The following SMG9 variants were observed in gnomAD, a reference collection of about 807,000 sequenced individuals.
SMG9 encodes nonsense-mediated mRNA decay factor SMG9.
SMG9 carries 55 observed loss-of-function variants against 64.0 expected under a neutral mutation model. The ratio of observed to expected loss-of-function variants is 0.86; its 90% CI spans 0.69 to 1.08. The LOEUF is 1.08. Ranked by LOEUF, SMG9 falls within the 50% of genes least tolerant of loss-of-function variation. The pLI is 0.00. For missense variants in SMG9, 554 were observed against 681.3 expected, an observed-to-expected ratio of 0.81 and a Z score of 2.08; for synonymous variants, 244 against 254.8, an observed-to-expected ratio of 0.96 and a Z score of 0.41.
intron 9 of SMG9, among the ~76,000 whole-genome samples, chr19:43,736,541 T>C (rs1787027392): frequency 1.3e-5 from 2 of 152,158 alleles, no homozygotes; most frequent in Admixed American, 1.3e-4. Context: ...TCCTGCCAGG[T>C]CCTGCCTCCC....
At chr19:43,753,699 G>A (rs1388813236) in intron 1 of SMG9, among the ~76,000 whole-genome samples, 2 of 151,988 alleles carry the variant, frequency 1.3e-5, no homozygotes, top group Non-Finnish European at 2.9e-5. Context: ...GGCCTCAAGT[G>A]ATTCGCCAGC....
At chr19:43,744,631 C>A in intron 6 of SMG9, 141 bp downstream of exon 6, 1 of 560,778 alleles carries the variant, frequency 1.8e-6, no homozygotes. Flanking sequence ...ATCTTCATCT[C>A]ATGAAGACAC....
At chr19:43,746,579 A>G (rs991206171) in intron 5 of SMG9, among the ~76,000 whole-genome samples, 11 of 152,242 alleles carry the variant, frequency 7.2e-5, no homozygotes, top group African/African-American at 1.9e-4. Flanking sequence ...GGCTGTGCTA[A>G]TAAGTCCAGG....
Position 43,731,298 on chromosome 19 carries a change from C to A in SMG9, c.*298G>T. ...CTGAAAAAGGAGGTCAAGATGGAGC[C>A]CGGGCTTCCTGGTGACCATTCAGAC... On this transcript the variant is annotated 3_prime_UTR_variant, in exon 14 of 14. Transcript: ENST00000270066. 8.4e-7 allele frequency: 1 copy of A among 1,185,110 alleles called. No homozygotes were observed. The highest frequency in any genetic ancestry group is 1.0e-6 in the Non-Finnish European group (1 of 953,200). The allele number at this position is 1,185,110 out of a possible 1,614,324, so 73.4% of individuals were successfully genotyped here. A position where few individuals can be genotyped will look rare whatever the true frequency, so the allele number is the denominator to read the frequency against.
intron 6 of SMG9, 34 bp from the exon 7 acceptor site, chr19:43,740,252 C>G: frequency 6.8e-7 from 1 of 1,473,974 alleles, no homozygotes; most frequent in Non-Finnish European, 9.5e-7. Flanking sequence ...TGTGTGAGAG[C>G]TCTGGTTCTC....
Position 43,731,364 on chromosome 19 carries a change from T to C in SMG9, c.*232A>G, listed in dbSNP as rs1968477583. 1.2e-5 allele frequency: 16 copies of C among 1,357,702 alleles called. No homozygotes were observed. The highest frequency in any genetic ancestry group is 1.5e-5 in the Non-Finnish European group (16 of 1,054,106). 84.1% of individuals were successfully genotyped at this position (1,357,702 alleles called of 1,614,324 possible). A position where few individuals can be genotyped will look rare whatever the true frequency, so the allele number is the denominator to read the frequency against. ...TCCCTGTGGAGGACACAGGACGGGC[T>C]ACCCCATCTCAGGTTTGGGGTGGGA... On this transcript the variant is annotated 3_prime_UTR_variant, in exon 14 of 14. Coordinates refer to ENST00000270066, the MANE Select transcript of SMG9 (RefSeq NM_019108.4).
intron 13 of SMG9, 47 bp downstream of exon 13, chr19:43,732,811 C>G (rs754142058): frequency 2.5e-6 from 4 of 1,611,618 alleles, no homozygotes; most frequent in Non-Finnish European, 3.4e-6. Context: ...TCTCTCTACA[C>G]CAGGGTGGGG....
chr19:43,739,214 G>C (rs2146375910), intron 7 of SMG9, among the ~76,000 whole-genome samples: 1 of 152,342 alleles, frequency 6.6e-6, no homozygotes, highest in Non-Finnish European at 1.5e-5. Context: ...CGTTAGCCAG[G>C]CAAAAACGCA....
intron 9 of SMG9, among the ~76,000 whole-genome samples, chr19:43,735,798 T>C (rs1968646568): frequency 6.6e-6 from 1 of 152,002 alleles, no homozygotes; most frequent in Non-Finnish European, 1.5e-5. Context: ...ACATCTACAA[T>C]CTCAAGGGGC....
In SMG9 at chr19:43,730,049, C is replaced by CT. The variant is rs1968429649; in HGVS notation, c.*1546_*1547insA. 1 of 152,862 alleles carries CT rather than the reference C, an allele frequency of 6.5e-6. No individual in the cohort carries two copies. Among genetic ancestry groups the CT allele is most frequent in the South Asian group, 2.1e-4 (1 of 4,858 alleles). The allele number at this position is 152,862 out of a possible 1,614,324, so 9.5% of individuals were successfully genotyped here. On this transcript the variant is annotated 3_prime_UTR_variant, in exon 14 of 14. Coordinates refer to ENST00000270066, the MANE Select transcript of SMG9 (RefSeq NM_019108.4). ...GTGCTTTCTTCACTGACCCCCCGCC[C>CT]CCCCTCACTTCAGTTGTTTCTCACA...
chr19:43,734,460 G>A lies in SMG9; in HGVS notation c.1031C>T (p.Thr344Ile). The A allele has an allele frequency of 1.3e-6, 2 of 1,562,248 alleles. No homozygotes were observed. Among genetic ancestry groups the A allele is most frequent in the Non-Finnish European group, 1.7e-6 (2 of 1,152,710 alleles). ...GCTGGACTCGTGGCTGGGGGATGGG[G>A]TGGAGGGCTTCACCATCTCTGCTGT... ...LQTAEMVKPSTPSPSHESSSS... is the reference protein window; with the variant it reads ...LQTAEMVKPSIPSPSHESSSS... Residue 344 changes from threonine to isoleucine, a missense_variant, in exon 10 of 14, where the codon ACC becomes ATC. Coordinates refer to ENST00000270066, the MANE Select transcript of SMG9 (RefSeq NM_019108.4).
chr19:43,746,874 T>G (rs1599655780), intron 5 of SMG9, among the ~76,000 whole-genome samples: 1 of 149,648 alleles, frequency 6.7e-6, no homozygotes, highest in Non-Finnish European at 1.5e-5. Flanking sequence ...GAGGTTGGAG[T>G]GCAATGTCAT....
At chr19:43,734,204 C>A (rs778086045) in intron 10 of SMG9, 185 bp downstream of exon 10, 1 of 598,528 alleles carries the variant, frequency 1.7e-6, no homozygotes, top group East Asian at 2.8e-5. Context: ...CAGGATTGGA[C>A]CAGGGCAGTG....
chr19:43,747,503 C>A lies in SMG9; in HGVS notation c.527G>T (p.Arg176Leu), dbSNP rs775419922. The change falls in exon 5 of 14, where the codon CGC becomes CTC. Residue 176 changes from arginine to leucine, a missense_variant. Physicochemically the swap from Arg to Leu is moderately radical, Grantham distance 102 (BLOSUM62 -2). Transcript: ENST00000270066. ...VGQAKLLPPE[R>L]MKHSIKLVDD... is the part of the protein sequence containing the mutation. Reference sequence around the variant, plus strand: ...CACCAACTTGATGCTGTGCTTCATGCGCTCTGGGGGCAGTAGTTTGGCCTG... The same window carrying A: ...CACCAACTTGATGCTGTGCTTCATGAGCTCTGGGGGCAGTAGTTTGGCCTG... The A allele has an allele frequency of 6.2e-7, 1 of 1,614,112 alleles. No individual in the cohort carries two copies. The highest frequency in any genetic ancestry group is 8.5e-7 in the Non-Finnish European group (1 of 1,180,044).
rs981987851 is a variant in SMG9 at position 43,750,575 on chromosome 19, T to C, written c.150+17A>G. On this transcript the variant is annotated intron_variant, in intron 2 of 13. Coordinates refer to ENST00000270066, the MANE Select transcript of SMG9 (RefSeq NM_019108.4). ...CAAATAGATACATGAATGCTGCTCC[T>C]GGGTCCAGACACTCACCCTTCTCTC... 94 of 1,600,084 alleles carry C rather than the reference T, an allele frequency of 5.9e-5. No individual in the cohort carries two copies. Among genetic ancestry groups the C allele is most frequent in the Non-Finnish European group, 7.9e-5 (93 of 1,172,408 alleles).
rs1358188387 is a variant in SMG9, at chr19:43,731,142, A to T, written c.*454T>A. The T allele has an allele frequency of 1.0e-6, 1 of 989,624 alleles. No individual in the cohort carries two copies. 61.3% of individuals were successfully genotyped at this position (989,624 alleles called of 1,614,324 possible). A position where few individuals can be genotyped will look rare whatever the true frequency, so the allele number is the denominator to read the frequency against. On this transcript the variant is annotated 3_prime_UTR_variant, in exon 14 of 14. Transcript: ENST00000270066. The stretch of plus-strand genomic sequence containing the variant: ...TGGTGGGTAGAGGAGTAAGTGGAAC[A>T]TAAGAACAGGCTTGCATGACTGTGT...
At position 43,730,564 on chromosome 19, in the gene SMG9, CTTTTTTTT is replaced by C. The variant is rs574384507; in HGVS notation, c.*1024_*1031del. ...TTCTGTTTCTTAAGTCAAAAGTAGG[CTTTTTTTT>C]TTTTTTTGAGACGGAGTCTCGCTCT... On this transcript the variant is annotated 3_prime_UTR_variant, in exon 14 of 14. Coordinates refer to ENST00000270066, the MANE Select transcript of SMG9 (RefSeq NM_019108.4). The C allele has an allele frequency of 7.2e-6, 1 of 139,770 alleles. No individual in the cohort carries two copies. The highest frequency in any genetic ancestry group is 1.6e-5 in the Non-Finnish European group (1 of 63,702). 8.7% of individuals were successfully genotyped at this position (139,770 alleles called of 1,614,324 possible). A position where few individuals can be genotyped will look rare whatever the true frequency, so the allele number is the denominator to read the frequency against.
chr19:43,736,241 A>G (rs1462857617), intron 9 of SMG9, among the ~76,000 whole-genome samples: 1 of 152,246 alleles, frequency 6.6e-6, no homozygotes, highest in Non-Finnish European at 1.5e-5. Context: ...TCTACACAAC[A>G]TAATGCTGCT....
At chr19:43,734,761 A>G (rs1407815158) in intron 9 of SMG9, 2 of 339,506 alleles carry the variant, frequency 5.9e-6, no homozygotes, top group East Asian at 9.6e-5. Context: ...TTAGGTTCAC[A>G]GCAAAACTGA....
Sources: gnomAD v4.1 joint callset for allele counts (sites outside exome capture counted in the v4.1 genomes callset) on GRCh38, gnomAD v4.1.1 for gene constraint, MANE v1.5 for transcripts, NCBI Gene and HGNC (gene_info 2026-07-23, HGNC 2026-07-21) for gene names.